The following RYR2 variants were observed in gnomAD, a reference collection of about 807,000 sequenced individuals.
The protein encoded by RYR2 is ryanodine receptor 2.
A neutral mutation model predicts 601.1 loss-of-function variants in RYR2; 227 were observed. The observed-to-expected ratio is 0.38, with a 90% confidence interval of 0.34 to 0.42. RYR2 has a LOEUF of 0.42. RYR2 is among the 10% of genes least tolerant of loss of function. The pLI is 1.00. For missense variants in RYR2, 4,646 were observed against 6,156.5 expected, an observed-to-expected ratio of 0.75 and a Z score of 8.21; for synonymous variants, 2,223 against 2,175.1, an observed-to-expected ratio of 1.02 and a Z score of -0.61.
At chr1:237,293,178 G>A (rs1028294752) in intron 2 of RYR2, among the ~76,000 whole-genome samples, 1 of 151,990 alleles carries the variant, frequency 6.6e-6, no homozygotes, top group African/African-American at 2.4e-5. Context: ...TGCCTTGGCT[G>A]CATAAGACTG....
chr1:237,296,460 T>G (rs1379888766), intron 2 of RYR2, among the ~76,000 whole-genome samples: 1 of 152,084 alleles, frequency 6.6e-6, no homozygotes, highest in African/African-American at 2.4e-5. Context: ...CAGATTGGAT[T>G]TAAGAGGTAA....
chr1:237,510,078 A>T (rs1042275779), intron 23 of RYR2, among the ~76,000 whole-genome samples: 16 of 152,192 alleles, frequency 1.1e-4, no homozygotes, highest in Non-Finnish European at 4.4e-5. Context: ...CTTAGCAGGA[A>T]GGTGACAGAC....
At chr1:237,540,911 G>GTGTATATA (rs891681904) in intron 25 of RYR2, among the ~76,000 whole-genome samples, 19 of 148,708 alleles carry the variant, frequency 1.3e-4, no homozygotes, top group Admixed American at 4.0e-4. Flanking sequence ...ATGTGTGTGT[G>GTGTATATA]TATATATATA....
At chr1:237,561,237 C>T (rs1671422700) in intron 27 of RYR2, among the ~76,000 whole-genome samples, 1 of 152,102 alleles carries the variant, frequency 6.6e-6, no homozygotes, top group Admixed American at 6.6e-5. Context: ...GAACAGTGAG[C>T]AATGAGAATA....
chr1:237,152,873 C>T (rs1267510844), intron 1 of RYR2, among the ~76,000 whole-genome samples: 1 of 152,060 alleles, frequency 6.6e-6, no homozygotes, highest in Non-Finnish European at 1.5e-5. Flanking sequence ...AACAGGCAAC[C>T]CGCAGAATGG....
intron 2 of RYR2, among the ~76,000 whole-genome samples, chr1:237,297,251 A>G (rs889154062): frequency 6.6e-6 from 1 of 152,202 alleles, no homozygotes; most frequent in Non-Finnish European, 1.5e-5. Context: ...GAAGAAAAGG[A>G]GGGAAAGAAC....
rs1215759635 is a variant in RYR2, at chr1:237,784,324, T to C, written c.12612T>C (p.Ala4204=). Residue 4204 remains alanine, a synonymous_variant, in exon 90 of 105, where the codon GCT becomes GCC. Coordinates refer to ENST00000366574, the MANE Select transcript of RYR2 (RefSeq NM_001035.3). The surrounding 1 kb of genome is among the most constrained non-coding windows in gnomAD (Gnocchi z 7.1). ...CCATCTTTGAAATGCAGCTGGCGGCTCAGATCTCGGAGTCGGACTTGAACG... is the reference window on the plus strand; with the variant it reads ...CCATCTTTGAAATGCAGCTGGCGGCCCAGATCTCGGAGTCGGACTTGAACG... ...EDTIFEMQLA[A]QISESDLNER... The C allele has an allele frequency of 1.2e-6, 2 of 1,613,374 alleles. No homozygotes were observed. Among genetic ancestry groups the C allele is most frequent in the Admixed American group, 3.3e-5 (2 of 59,950 alleles).
In RYR2 at chr1:237,594,900, T is replaced by G. The variant is rs867419978; in HGVS notation, c.4437-598T>G. ...AATATCACTGGGTTTTTTTTTTTTTTTTTTTTTTTTTTTTTTTTTTTTTTT... is the reference window on the plus strand; with the variant it reads ...AATATCACTGGGTTTTTTTTTTTTTGTTTTTTTTTTTTTTTTTTTTTTTTT... On this transcript the variant is annotated intron_variant, in intron 33 of 104. Transcript: ENST00000366574. Among the ~76,000 whole-genome samples, 216 of 23,284 alleles carry G rather than the reference T, an allele frequency of 9.3e-3. 1 individual carries two copies. Among genetic ancestry groups the G allele is most frequent in the South Asian group, 0.016 (4 of 248 alleles). 15.3% of individuals were successfully genotyped at this position (23,284 alleles called of 152,430 possible). A position where few individuals can be genotyped will look rare whatever the true frequency, so the allele number is the denominator to read the frequency against.
chr1:237,252,233 C>A (rs1687533376), intron 1 of RYR2, among the ~76,000 whole-genome samples: 1 of 152,034 alleles, frequency 6.6e-6, no homozygotes, highest in African/African-American at 2.4e-5. Context: ...TCTCTGCACT[C>A]ATTTCCTCCT....
intron 66 of RYR2, 95 bp downstream of exon 66, chr1:237,702,154 G>C: frequency 2.8e-6 from 2 of 722,548 alleles, no homozygotes; most frequent in East Asian, 2.8e-5. Context: ...CTGTTTCCTA[G>C]TTATAAACTA....
At chr1:237,043,299 G>C (rs1660154517) in intron 1 of RYR2, among the ~76,000 whole-genome samples, 1 of 152,202 alleles carries the variant, frequency 6.6e-6, no homozygotes, top group Non-Finnish European at 1.5e-5. Flanking sequence ...GTTTGCGTGT[G>C]TGCGCGCGCG....
At chr1:237,432,770 C>T (rs2150107054) in intron 12 of RYR2, among the ~76,000 whole-genome samples, 1 of 152,136 alleles carries the variant, frequency 6.6e-6, no homozygotes, top group South Asian at 2.1e-4. Context: ...TTTCTTACAT[C>T]TGTTTTTCTG....
intron 69 of RYR2, 132 bp downstream of exon 69, chr1:237,709,230 G>C (rs1352487111): frequency 3.4e-5 from 30 of 889,528 alleles, no homozygotes; most frequent in Admixed American, 6.0e-5. Flanking sequence ...CTGTTTATAG[G>C]CAAGTTAATT....
intron 2 of RYR2, among the ~76,000 whole-genome samples, chr1:237,304,015 G>A (rs942661236): frequency 6.6e-6 from 1 of 152,164 alleles, no homozygotes; most frequent in Non-Finnish European, 1.5e-5. Context: ...ACTTAGTAGA[G>A]AATGAGTGGT....
chr1:237,274,261 C>T (rs1463720045), intron 2 of RYR2, among the ~76,000 whole-genome samples: 1 of 150,730 alleles, frequency 6.6e-6, no homozygotes, highest in Non-Finnish European at 1.5e-5. Context: ...AGCTGTATGC[C>T]ACATACCACA....
At chr1:237,572,759 G>A (rs1156357904) in intron 29 of RYR2, among the ~76,000 whole-genome samples, 1 of 152,116 alleles carries the variant, frequency 6.6e-6, no homozygotes, top group Non-Finnish European at 1.5e-5. Context: ...GTAGGGGTCA[G>A]TCATGAATCT....
At chr1:237,145,185 G>T (rs997342841) in intron 1 of RYR2, among the ~76,000 whole-genome samples, 1 of 151,410 alleles carries the variant, frequency 6.6e-6, no homozygotes. Flanking sequence ...AAACCTGCAC[G>T]TTTTGCACAT....
At chr1:237,794,484 A>G (rs1160656013) in intron 95 of RYR2, among the ~76,000 whole-genome samples, 1 of 152,226 alleles carries the variant, frequency 6.6e-6, no homozygotes. Context: ...AAAATGTAAG[A>G]CAGAAAAACA....
chr1:237,450,938 C>A (rs1214321749), intron 14 of RYR2, among the ~76,000 whole-genome samples: 1 of 151,990 alleles, frequency 6.6e-6, no homozygotes, highest in Non-Finnish European at 1.5e-5. Context: ...TGTTTCTTTT[C>A]TATATTTATC....
Sources: allele counts gnomAD v4.1 joint callset (sites outside exome capture counted in the v4.1 genomes callset), GRCh38; gene constraint gnomAD v4.1.1; non-coding constraint Gnocchi (gnomAD v3.1); transcripts MANE v1.5; gene names NCBI Gene and HGNC (gene_info 2026-07-23, HGNC 2026-07-21).